Variants in SLC4A4 observed in about 807,000 individuals in gnomAD.
SLC4A4 encodes electrogenic sodium bicarbonate cotransporter 1.
A neutral mutation model predicts 111.5 loss-of-function variants in SLC4A4; 27 were observed. The ratio of observed to expected loss-of-function variants is 0.24; its 90% CI spans 0.18 to 0.33. SLC4A4 has a LOEUF of 0.33. SLC4A4 is among the 10% of genes least tolerant of loss of function. The pLI is 1.00. For missense variants in SLC4A4, 909 were observed against 1,315.5 expected, an observed-to-expected ratio of 0.69 and a Z score of 4.78; for synonymous variants, 443 against 463.4, an observed-to-expected ratio of 0.96 and a Z score of 0.57.
chr4:71,471,440 T>G (rs1331523758), intron 13 of SLC4A4, among the ~76,000 whole-genome samples: 1 of 151,900 alleles, frequency 6.6e-6, no homozygotes, highest in Non-Finnish European at 1.5e-5. Context: ...GGCAAAAACT[T>G]ACCTGTGGGT....
At chr4:71,534,929 G>A (rs1734278516) in intron 18 of SLC4A4, among the ~76,000 whole-genome samples, 1 of 152,096 alleles carries the variant, frequency 6.6e-6, no homozygotes, top group South Asian at 2.1e-4. Flanking sequence ...TATTAACTTT[G>A]TTATGAGTCT....
intron 3 of SLC4A4, among the ~76,000 whole-genome samples, chr4:71,258,293 T>G (rs1453848338): frequency 2.6e-5 from 4 of 152,202 alleles, no homozygotes; most frequent in African/African-American, 9.7e-5. Context: ...CTGGTTAGTT[T>G]TTCTGTTCCT....
intron 4 of SLC4A4, among the ~76,000 whole-genome samples, chr4:71,342,589 A>G (rs950323190): frequency 6.6e-6 from 1 of 152,158 alleles, no homozygotes; most frequent in African/African-American, 2.4e-5. Flanking sequence ...CTCAGCTAAG[A>G]CTACTTTGAC....
At chr4:71,146,112 G>T (rs936998982) in intron 2 of SLC4A4, among the ~76,000 whole-genome samples, 1 of 152,152 alleles carries the variant, frequency 6.6e-6, no homozygotes, top group African/African-American at 2.4e-5. Flanking sequence ...TCTACACACC[G>T]CTTTGAATGT....
At chr4:71,445,164 G>A (rs962211686) in intron 8 of SLC4A4, among the ~76,000 whole-genome samples, 2 of 152,072 alleles carry the variant, frequency 1.3e-5, no homozygotes, top group Admixed American at 1.3e-4. Context: ...TCTTTGACTG[G>A]TTCTATTTAG....
At chr4:71,393,657 A>T (rs1719522975) in intron 6 of SLC4A4, among the ~76,000 whole-genome samples, 1 of 152,184 alleles carries the variant, frequency 6.6e-6, no homozygotes, top group African/African-American at 2.4e-5. Flanking sequence ...TGAGTTAGAA[A>T]AAAAAATTCC....
intron 6 of SLC4A4, among the ~76,000 whole-genome samples, chr4:71,390,758 A>T (rs987370311): frequency 2.0e-5 from 3 of 152,092 alleles, no homozygotes; most frequent in African/African-American, 2.4e-5. Flanking sequence ...TTATGTGTTT[A>T]TGCAAATAAC....
intron 2 of SLC4A4, among the ~76,000 whole-genome samples, chr4:71,181,063 T>C (rs755609867): frequency 6.6e-6 from 1 of 151,820 alleles, no homozygotes; most frequent in African/African-American, 2.4e-5. Flanking sequence ...ATGTCCTTTG[T>C]AGGGACATGG....
chr4:71,246,758 C>G (rs923841236), intron 2 of SLC4A4, among the ~76,000 whole-genome samples: 11 of 151,570 alleles, frequency 7.3e-5, no homozygotes, highest in African/African-American at 2.4e-4. Flanking sequence ...TTTTTCCAGA[C>G]AGTGGAGGAT....
upstream of SLC4A4, chr4:71,186,870 G>C (rs571803518): frequency 1.3e-5 from 2 of 152,252 alleles, no homozygotes; most frequent in Non-Finnish European, 2.9e-5. Flanking sequence ...TTACTAGCAG[G>C]AACATCAGAG....
At chr4:71,200,296 G>C (rs1746189273) in intron 1 of SLC4A4, among the ~76,000 whole-genome samples, 1 of 152,072 alleles carries the variant, frequency 6.6e-6, no homozygotes, top group South Asian at 2.1e-4. Flanking sequence ...AGAGTATGAA[G>C]TAGTCATTTT....
intron 7 of SLC4A4, among the ~76,000 whole-genome samples, chr4:71,432,148 G>A (rs1189056885): frequency 6.6e-6 from 1 of 152,174 alleles, no homozygotes; most frequent in Admixed American, 6.6e-5. Context: ...AAGCAGACGT[G>A]AGGAAAAGGC....
intron 20 of SLC4A4, among the ~76,000 whole-genome samples, chr4:71,550,823 G>GA (rs1735920542): frequency 6.6e-6 from 1 of 151,768 alleles, no homozygotes; most frequent in South Asian, 2.1e-4. Flanking sequence ...AGCTTACTTT[G>GA]AAAATGAAGT....
chr4:71,237,790 C>T (rs578206085), intron 2 of SLC4A4, among the ~76,000 whole-genome samples: 33 of 152,230 alleles, frequency 2.2e-4, no homozygotes, highest in African/African-American at 7.0e-4. Flanking sequence ...CGCCTCCACC[C>T]GCCCCCCTCA....
intron 3 of SLC4A4, among the ~76,000 whole-genome samples, chr4:71,319,112 C>G (rs1726924726): frequency 6.6e-6 from 1 of 151,936 alleles, no homozygotes; most frequent in Non-Finnish European, 1.5e-5. Flanking sequence ...AAATGGATAT[C>G]AATAGGATCT....
chr4:71,347,972 C>A (rs1729478445), intron 4 of SLC4A4, among the ~76,000 whole-genome samples: 1 of 152,074 alleles, frequency 6.6e-6, no homozygotes, highest in Non-Finnish European at 1.5e-5. Context: ...CTCTGACTTG[C>A]TTTCATATAT....
At chr4:71,177,270 A>C (rs984001887) in intron 2 of SLC4A4, among the ~76,000 whole-genome samples, 13 of 151,838 alleles carry the variant, frequency 8.6e-5, no homozygotes, top group South Asian at 2.1e-4. Flanking sequence ...ACTGCATCAA[A>C]TAACGAGCAA....
At chr4:71,415,547 G>A (rs935971691) in intron 7 of SLC4A4, among the ~76,000 whole-genome samples, 4 of 152,144 alleles carry the variant, frequency 2.6e-5, no homozygotes, top group East Asian at 1.9e-4. Context: ...TAACTGTTGC[G>A]TAGGTTAAAC....
At position 71,260,743 on chromosome 4, in the gene SLC4A4, C is replaced by T. The variant is rs183280911; in HGVS notation, c.253+5344C>T. On this transcript the variant is annotated intron_variant, in intron 3 of 25. Coordinates refer to ENST00000264485, the MANE Select transcript of SLC4A4 (RefSeq NM_001098484.3). ...GAGCCAGATTACTTGAGTTTGAATC[C>T]CAGTTCATACCAGCAGTGTAACCTT... Among the ~76,000 whole-genome samples, 394 of 152,282 alleles carry T rather than the reference C, an allele frequency of 2.6e-3. 5 individuals are homozygous for T. Among genetic ancestry groups the T allele is most frequent in the Non-Finnish European group, 2.7e-3 (183 of 68,020 alleles).
Sources: allele counts gnomAD v4.1 joint callset (sites outside exome capture counted in the v4.1 genomes callset), GRCh38; gene constraint gnomAD v4.1.1; transcripts MANE v1.5; gene names NCBI Gene and HGNC (gene_info 2026-07-23, HGNC 2026-07-21).